The following NEK10 variants were observed in gnomAD, a reference collection of about 807,000 sequenced individuals.
The protein encoded by NEK10 is serine/threonine-protein kinase Nek10.
Under a neutral mutation model 159.8 loss-of-function variants are expected in NEK10, and 122 were observed. The ratio of observed to expected loss-of-function variants is 0.76; its 90% CI spans 0.66 to 0.89. The LOEUF is 0.89. Ranked by LOEUF, NEK10 falls within the 40% of genes least tolerant of loss-of-function variation. The probability of loss-of-function intolerance (pLI) is 0.00; values close to 1 mark genes in which losing one functional copy is unlikely to be tolerated. For synonymous variants in NEK10, 466 were observed against 457.1 expected (o/e 1.02, Z -0.25); for missense variants, 1,342 against 1,323.1 (o/e 1.01, Z -0.22).
chr3:27,347,335 T>A (rs1201061442), intron 3 of NEK10, among the ~76,000 whole-genome samples: 1 of 151,702 alleles, frequency 6.6e-6, no homozygotes, highest in African/African-American at 2.4e-5. Flanking sequence ...GAAACCCGTC[T>A]CTATTAAAAA....
intron 9 of NEK10, 37 bp from the exon 10 acceptor site, chr3:27,309,042 G>T: frequency 9.5e-7 from 1 of 1,050,608 alleles, no homozygotes. Flanking sequence ...AATTATATAA[G>T]TACTACAAGC....
intron 30 of NEK10, among the ~76,000 whole-genome samples, chr3:27,152,378 G>T (rs550674963): frequency 1.7e-4 from 26 of 152,238 alleles, no homozygotes; most frequent in African/African-American, 6.3e-4. Flanking sequence ...CAAGAACTTT[G>T]TATCCAACAA....
At chr3:27,352,306 A>C (rs2048025277) in intron 3 of NEK10, among the ~76,000 whole-genome samples, 159 bp downstream of exon 3, 1 of 152,200 alleles carries the variant, frequency 6.6e-6, no homozygotes, top group Non-Finnish European at 1.5e-5. Flanking sequence ...GCAAAGCCTG[A>C]ACCAGGTGTC....
intron 22 of NEK10, among the ~76,000 whole-genome samples, chr3:27,257,062 C>A (rs1359410326): frequency 6.6e-6 from 1 of 151,896 alleles, no homozygotes. Context: ...ATTACAGGCA[C>A]GTGCCACCAT....
At chr3:27,179,230 A>G (rs546748658) in intron 26 of NEK10, among the ~76,000 whole-genome samples, 9 of 152,330 alleles carry the variant, frequency 5.9e-5, no homozygotes, top group African/African-American at 2.2e-4. Context: ...TATATGGATT[A>G]TATAATAAAG....
chr3:27,131,928 G>A lies in NEK10; in HGVS notation c.3033C>T (p.Leu1011=), dbSNP rs1942666271. 1.2e-6 allele frequency: 2 copies of A among 1,608,652 alleles called. No homozygotes were observed. Among genetic ancestry groups the A allele is most frequent in the African/African-American group, 1.3e-5 (1 of 74,798 alleles). ...TACAAGGGTTACTCTGCTGGCTGAA[G>A]AGGGATTTCTTGAATCTCTCTATAA... is the stretch of plus-strand genomic sequence containing the variant. ...RRVIERFKKS[L]FSQQSNPCNL... is the part of the protein sequence containing the mutation. Residue 1011 remains leucine (L), a synonymous_variant, in exon 32 of 36, where the codon CTC becomes CTT. Transcript: ENST00000691995.
intron 30 of NEK10, among the ~76,000 whole-genome samples, chr3:27,158,304 T>C (rs762646891): frequency 2.0e-5 from 3 of 152,142 alleles, no homozygotes; most frequent in Non-Finnish European, 4.4e-5. Context: ...TTTTATATGA[T>C]TAAAAATGCT....
At chr3:27,215,866 T>G (rs1951470280) in intron 23 of NEK10, 1 of 716,502 alleles carries the variant, frequency 1.4e-6, no homozygotes, top group Non-Finnish European at 2.6e-6. Context: ...AGAGCGAAGG[T>G]AGAGGTGCTG....
At chr3:27,303,244 T>C (rs532156784) in intron 12 of NEK10, among the ~76,000 whole-genome samples, 2 of 152,332 alleles carry the variant, frequency 1.3e-5, no homozygotes, top group South Asian at 4.2e-4. Flanking sequence ...ACCTCTTTTT[T>C]ACCAAGGATA....
At chr3:27,145,513 C>T (rs752389720) in intron 30 of NEK10, among the ~76,000 whole-genome samples, 4 of 152,184 alleles carry the variant, frequency 2.6e-5, no homozygotes, top group Non-Finnish European at 5.9e-5. Context: ...TGCTAGCTTA[C>T]TCTGTTGCAA....
rs148592735 is a variant in NEK10, at chr3:27,152,753, C to G, written c.2869+9948G>C. On this transcript the variant is annotated intron_variant, in intron 30 of 35. Transcript: ENST00000691995. The stretch of plus-strand genomic sequence containing the variant: ...TGGATCAGAACTCACCAACCATCTG[C>G]TGTCTTCAGGAGATTCACCTAACAC... Among the ~76,000 whole-genome samples the G allele has an allele frequency of 1.8e-4, 27 of 152,300 alleles. No homozygotes were observed. In the East Asian group the frequency reaches 5.0e-3, roughly 28 times the overall value.
chr3:27,193,774 TTG>T (rs1949329198), intron 25 of NEK10, among the ~76,000 whole-genome samples: 1 of 152,074 alleles, frequency 6.6e-6, no homozygotes, highest in Non-Finnish European at 1.5e-5. Context: ...TACATTCTTT[TTG>T]CACCATTTGC....
chr3:27,275,862 A>C (rs1444360201), intron 22 of NEK10, among the ~76,000 whole-genome samples: 1 of 152,222 alleles, frequency 6.6e-6, no homozygotes, highest in Non-Finnish European at 1.5e-5. Context: ...GGTAGGTCCA[A>C]TTCAATGTCT....
chr3:27,204,275 C>CTTTTTTTTTTTTTTTTTTTTTTTTTTTT (rs1203026508), intron 23 of NEK10, among the ~76,000 whole-genome samples: 7 of 63,980 alleles, frequency 1.1e-4, no homozygotes, highest in Admixed American at 1.9e-4. Flanking sequence ...GATAAATTTT[C>CTTTTTTTTTTTTTTTTTTTTTTTTTTTT]TTTTTTTTTT....
intron 30 of NEK10, among the ~76,000 whole-genome samples, chr3:27,157,520 C>G (rs1945600044): frequency 6.6e-6 from 1 of 152,052 alleles, no homozygotes; most frequent in Non-Finnish European, 1.5e-5. Context: ...CATCCAAAAG[C>G]TTGAATGGAT....
chr3:27,247,204 A>G (rs13098351), intron 23 of NEK10, among the ~76,000 whole-genome samples: 5,020 of 152,210 alleles, frequency 0.033, 114 homozygotes, highest in African/African-American at 0.043. Flanking sequence ...CATGTTCTAG[A>G]TCTTCAAGAA....
intron 30 of NEK10, among the ~76,000 whole-genome samples, chr3:27,143,854 A>T (rs537021301): frequency 6.6e-6 from 1 of 152,258 alleles, no homozygotes; most frequent in East Asian, 1.9e-4. Flanking sequence ...ACACTTCAAA[A>T]CAGTGTTTTT....
intron 28 of NEK10, among the ~76,000 whole-genome samples, 199 bp from the exon 29 acceptor site, chr3:27,172,072 C>G (rs1023652856): frequency 1.3e-5 from 2 of 151,922 alleles, no homozygotes; most frequent in African/African-American, 4.8e-5. Flanking sequence ...GGTGTGGTGG[C>G]TCACACCTGT....
intron 22 of NEK10, among the ~76,000 whole-genome samples, chr3:27,281,089 A>C (rs1204675741): frequency 6.6e-6 from 1 of 152,030 alleles, no homozygotes; most frequent in Non-Finnish European, 1.5e-5. Flanking sequence ...TTTGAAATTA[A>C]AATATGATAA....
Sources: gnomAD v4.1 joint callset for allele counts (sites outside exome capture counted in the v4.1 genomes callset) on GRCh38, gnomAD v4.1.1 for gene constraint, MANE v1.5 for transcripts, NCBI Gene and HGNC (gene_info 2026-07-23, HGNC 2026-07-21) for gene names.